TMEM217: variants seen among roughly 807,000 people sequenced by gnomAD.
TMEM217 encodes the protein chromosome 6 open reading frame 128.
For missense variants in TMEM217, 204 were observed against 248.8 expected (o/e 0.82, Z 1.21); for synonymous variants, 76 against 88.3 (o/e 0.86, Z 0.78).
At chr6:37,236,844 TCTC>T (rs1764535026) in intron 1 of TMEM217, among the ~76,000 whole-genome samples, 1 of 152,092 alleles carries the variant, frequency 6.6e-6, no homozygotes, top group East Asian at 1.9e-4. Flanking sequence ...ACTTGCTACT[TCTC>T]CTCAAACTTT....
chr6:37,214,605 C>T (rs140489946), downstream of TMEM217, among the ~76,000 whole-genome samples: 30 of 152,278 alleles, frequency 2.0e-4, no homozygotes, highest in East Asian at 5.4e-3. Flanking sequence ...TCCTCTTCCC[C>T]CGCTCCCTAC....
chr6:37,250,084 G>A (rs1193306496), intron 1 of TMEM217, among the ~76,000 whole-genome samples: 3 of 152,202 alleles, frequency 2.0e-5, no homozygotes, highest in Non-Finnish European at 4.4e-5. Flanking sequence ...GTGAACTGTA[G>A]CTGTACTCAT....
At chr6:37,246,383 C>T (rs943726862) in intron 1 of TMEM217, among the ~76,000 whole-genome samples, 7 of 152,182 alleles carry the variant, frequency 4.6e-5, no homozygotes, top group Non-Finnish European at 8.8e-5. Flanking sequence ...ATGCTCTTCT[C>T]ATAGTGCAGG....
intron 1 of TMEM217, among the ~76,000 whole-genome samples, chr6:37,222,593 G>A (rs905471091): frequency 6.6e-6 from 1 of 152,224 alleles, no homozygotes; most frequent in African/African-American, 2.4e-5. Context: ...GTCTGCAGCC[G>A]TGGGTCCTGG....
At chr6:37,235,617 TG>T (rs11342137) in intron 1 of TMEM217, among the ~76,000 whole-genome samples, 126,628 of 151,656 alleles carry the variant, frequency 0.83, 53,273 homozygotes, top group South Asian at 0.91. Context: ...CCGTCCACCT[TG>T]GCCTCCCAAA....
chr6:37,229,343 T>TTTTG (rs1554170978), intron 1 of TMEM217, among the ~76,000 whole-genome samples: 25 of 126,640 alleles, frequency 2.0e-4, no homozygotes, highest in Non-Finnish European at 3.5e-4. Flanking sequence ...CAGTTTTTTT[T>TTTTG]TTTTTTTTTT....
chr6:37,222,875 G>A (rs2113826880), intron 1 of TMEM217, among the ~76,000 whole-genome samples: 1 of 152,368 alleles, frequency 6.6e-6, no homozygotes, highest in South Asian at 2.1e-4. Flanking sequence ...CCTCCCTGCT[G>A]CAGCTGGAGT....
chr6:37,218,967 TGAA>T, exon 2 of TMEM217: 1 of 1,614,170 alleles, frequency 6.2e-7, no homozygotes, highest in Non-Finnish European at 8.5e-7. Flanking sequence ...GCCATGATGG[TGAA>T]GACCCCTGAC....
chr6:37,237,703 G>GTT (rs1764569237), intron 1 of TMEM217, among the ~76,000 whole-genome samples: 1 of 151,986 alleles, frequency 6.6e-6, no homozygotes, highest in South Asian at 2.1e-4. Flanking sequence ...GAGTCAAAAG[G>GTT]AACAACTGTA....
rs182421022 is a variant in TMEM217 at position 37,244,653 on chromosome 6, T to C, written c.-12+12915A>G. Among the ~76,000 whole-genome samples, 10 of 152,230 alleles carry C rather than the reference T, an allele frequency of 6.6e-5. No homozygotes were observed. In the East Asian group the frequency reaches 1.7e-3, roughly 26 times the overall value. ...TTGTGGAGAAATCTGGAGAATCATA[T>C]GTGTGTTGGCCGTATATTGTCACAA... is the stretch of plus-strand genomic sequence containing the variant. On this transcript the variant is annotated intron_variant, in intron 1 of 1. Coordinates refer to ENST00000357219, the Ensembl canonical transcript of TMEM217.
intron 1 of TMEM217, among the ~76,000 whole-genome samples, chr6:37,227,519 T>C (rs943316040): frequency 6.6e-6 from 1 of 152,200 alleles, no homozygotes; most frequent in Admixed American, 6.5e-5. Context: ...CGATCTTGGC[T>C]CACTGCAACC....
In TMEM217 at chr6:37,229,347, T is replaced by TGTTTTG. The variant is rs1554170991; in HGVS notation, c.-11-10307_-11-10306insCAAAAC. ...CTAGCAACTTTCAGTTTTTTTTTTT[T>TGTTTTG]TTTTTTTTTTTTTGAGACAGTGTCT... On this transcript the variant is annotated intron_variant, in intron 1 of 1. Transcript: ENST00000357219. Among the ~76,000 whole-genome samples, 6 of 131,136 alleles carry TGTTTTG rather than the reference T, an allele frequency of 4.6e-5. 1 individual carries two copies. The highest frequency in any genetic ancestry group is 8.1e-5 in the Non-Finnish European group (5 of 61,606). The allele number at this position is 131,136 out of a possible 152,430, so 86.0% of individuals were successfully genotyped here.
intron 1 of TMEM217, among the ~76,000 whole-genome samples, chr6:37,243,780 A>G (rs1384638764): frequency 6.6e-6 from 1 of 152,030 alleles, no homozygotes; most frequent in Non-Finnish European, 1.5e-5. Context: ...TTTCGAGGAT[A>G]GTTTGGTGAG....
chr6:37,235,541 A>T (rs537953090), intron 1 of TMEM217, among the ~76,000 whole-genome samples: 1 of 150,826 alleles, frequency 6.6e-6, no homozygotes, highest in East Asian at 2.0e-4. Flanking sequence ...AATTTTTTCT[A>T]TTTTTTAGTA....
chr6:37,233,051 C>T (rs1007684480), intron 1 of TMEM217, among the ~76,000 whole-genome samples: 3 of 152,212 alleles, frequency 2.0e-5, no homozygotes, highest in African/African-American at 7.2e-5. Context: ...CCAATCCAAT[C>T]TGGTCTTCAG....
intron 1 of TMEM217, among the ~76,000 whole-genome samples, chr6:37,250,461 G>A (rs1339708412): frequency 1.3e-5 from 2 of 152,188 alleles, no homozygotes; most frequent in African/African-American, 4.8e-5. Flanking sequence ...TGAGGATGTG[G>A]AGCAATGTAA....
At chr6:37,239,683 T>G (rs1436753913) in intron 1 of TMEM217, among the ~76,000 whole-genome samples, 1 of 152,140 alleles carries the variant, frequency 6.6e-6, no homozygotes, top group Non-Finnish European at 1.5e-5. Context: ...ACTTGTGATC[T>G]CAGTAGAATA....
chr6:37,258,115 G>C, exon 1 of TMEM217: 2 of 940,092 alleles, frequency 2.1e-6, no homozygotes, highest in Non-Finnish European at 3.1e-6. Flanking sequence ...CGGCAGGGCA[G>C]CTGTCAGGCA....
In TMEM217 at chr6:37,257,775, T is replaced by C; in HGVS notation, c.-219A>G. The C allele has an allele frequency of 5.6e-6, 5 of 894,352 alleles. No homozygotes were observed. Among genetic ancestry groups the C allele is most frequent in the Non-Finnish European group, 6.9e-6 (4 of 581,594 alleles). The allele number at this position is 894,352 out of a possible 1,614,324, so 55.4% of individuals were successfully genotyped here. On this transcript the variant is annotated 5_prime_UTR_variant, in exon 1 of 2. It removes an upstream start codon present in the reference 5' UTR. Transcript: ENST00000357219. ...GGTGCTGGGTGGAGGGGTGCCCACA[T>C]CCAAGATGGCGTCCCCAGGAGCTGG...
Sources: allele counts gnomAD v4.1 joint callset (sites outside exome capture counted in the v4.1 genomes callset), GRCh38; gene constraint gnomAD v4.1.1; transcripts MANE v1.5; gene names NCBI Gene and HGNC (gene_info 2026-07-23, HGNC 2026-07-21).